Variants in TBC1D31 observed in about 807,000 individuals in gnomAD.
The protein encoded by TBC1D31 is TBC1 domain family member 31, also known as WD repeat domain 67.
A neutral mutation model predicts 132.9 loss-of-function variants in TBC1D31; 99 were observed. The observed-to-expected ratio is 0.74, with a 90% confidence interval of 0.63 to 0.88. The LOEUF is 0.88. Ranked by LOEUF, TBC1D31 falls within the 40% of genes least tolerant of loss-of-function variation. The probability of loss-of-function intolerance (pLI) is 0.00; values close to 1 mark genes in which losing one functional copy is unlikely to be tolerated. For synonymous variants in TBC1D31, 385 were observed against 419.4 expected (o/e 0.92, Z 1.00); for missense variants, 1,134 against 1,256.6 (o/e 0.90, Z 1.48).
Position 123,128,219 on chromosome 8 carries a change from A to T in TBC1D31, c.1885-62A>T. 1 of 841,302 alleles carries T rather than the reference A, an allele frequency of 1.2e-6. No individual in the cohort carries two copies. Among genetic ancestry groups the T allele is most frequent in the Non-Finnish European group, 1.9e-6 (1 of 516,372 alleles). The allele number at this position is 841,302 out of a possible 1,614,324, so 52.1% of individuals were successfully genotyped here. On this transcript the variant is annotated intron_variant, in intron 13 of 21. Coordinates refer to ENST00000287380, the MANE Select transcript of TBC1D31 (RefSeq NM_145647.4). ...TACACTTTTTTTAAATTCTTGTTTT[A>T]ATTCTACCTCATAATTGCTTTGTCA...
intron 11 of TBC1D31, chr8:123,123,400 G>A: frequency 5.5e-6 from 1 of 182,794 alleles, no homozygotes; most frequent in Non-Finnish European, 1.2e-5. Context: ...GGCCTCCTTT[G>A]GCCTTTTTCT....
chr8:123,102,742 ACT>A (rs1370545266), intron 7 of TBC1D31: 3 of 155,496 alleles, frequency 1.9e-5, no homozygotes, highest in African/African-American at 7.2e-5. Context: ...ATGAGGCAAC[ACT>A]CTGTCTTCTT....
intron 4 of TBC1D31, among the ~76,000 whole-genome samples, chr8:123,092,377 ACATAT>A (rs1488802502): frequency 6.6e-6 from 1 of 152,182 alleles, no homozygotes; most frequent in Admixed American, 6.6e-5. Context: ...GGCTGTTGAC[ACATAT>A]CATATAACAT....
At chr8:123,101,443 T>G (rs1278996204) in intron 7 of TBC1D31, among the ~76,000 whole-genome samples, 3 of 152,224 alleles carry the variant, frequency 2.0e-5, no homozygotes. Context: ...AGACGGAGTT[T>G]TGCTCTCATT....
chr8:123,082,855 A>C, intron 3 of TBC1D31, 38 bp downstream of exon 3: 1 of 1,419,226 alleles, frequency 7.0e-7, no homozygotes. Context: ...AAGCAGAGTA[A>C]AATATAAACT....
intron 17 of TBC1D31, among the ~76,000 whole-genome samples, chr8:123,139,582 A>T (rs1821431913): frequency 6.6e-6 from 1 of 152,114 alleles, no homozygotes; most frequent in South Asian, 2.1e-4. Context: ...TAGGCAGTTT[A>T]TACTTTCTAG....
In TBC1D31 at chr8:123,113,258, A is replaced by G. The variant is rs548542533; in HGVS notation, c.1436+3638A>G. ...ATTTTTCCGTATCCTAGGATTTTAGACTTTCTAAATTATGAATGCTTTTCT... is the reference window on the plus strand; with the variant it reads ...ATTTTTCCGTATCCTAGGATTTTAGGCTTTCTAAATTATGAATGCTTTTCT... On this transcript the variant is annotated intron_variant, in intron 10 of 21. Coordinates refer to ENST00000287380, the MANE Select transcript of TBC1D31 (RefSeq NM_145647.4). Among the ~76,000 whole-genome samples, 31 of 152,224 alleles carry G rather than the reference A, an allele frequency of 2.0e-4. 2 individuals carry two copies. Among genetic ancestry groups the G allele is most frequent in the Admixed American group, 1.6e-3 (25 of 15,276 alleles).
intron 10 of TBC1D31, among the ~76,000 whole-genome samples, chr8:123,119,360 C>T (rs145027235): frequency 6.6e-6 from 1 of 152,264 alleles, no homozygotes; most frequent in Non-Finnish European, 1.5e-5. Context: ...TGGCATTAAG[C>T]ACAGCATTGC....
chr8:123,130,971 G>C (rs1820563126), intron 16 of TBC1D31, among the ~76,000 whole-genome samples: 1 of 151,860 alleles, frequency 6.6e-6, no homozygotes, highest in African/African-American at 2.4e-5. Context: ...AAAATTATCT[G>C]TGGCCAGTAT....
At chr8:123,089,427 C>T (rs990012380) in intron 4 of TBC1D31, among the ~76,000 whole-genome samples, 4 of 152,178 alleles carry the variant, frequency 2.6e-5, no homozygotes, top group Non-Finnish European at 5.9e-5. Context: ...AGATAATTTG[C>T]TTAAGCTGTA....
At chr8:123,158,018 CTTTTTTTTTTT>C in the TBC1D31 span, among the ~76,000 whole-genome samples, 111 of 117,684 alleles carry the variant, frequency 9.4e-4, 2 homozygotes, top group African/African-American at 3.4e-3. Flanking sequence ...TTTTTTCTTC[CTTTTTTTTTTT>C]TTTTTTTTTG....
At chr8:123,080,750 T>A (rs1249840432) in intron 2 of TBC1D31, among the ~76,000 whole-genome samples, 1 of 152,136 alleles carries the variant, frequency 6.6e-6, no homozygotes, top group Non-Finnish European at 1.5e-5. Context: ...TTGGCCAGGA[T>A]GGTCTCGATC....
At chr8:123,109,679 A>T in intron 10 of TBC1D31, 59 bp downstream of exon 10, 1 of 1,418,154 alleles carries the variant, frequency 7.1e-7, no homozygotes. Flanking sequence ...TTGCAATGTT[A>T]TAAAATCTCC....
chr8:123,116,875 GAATA>G (rs1395833186), intron 10 of TBC1D31, among the ~76,000 whole-genome samples: 2 of 152,020 alleles, frequency 1.3e-5, no homozygotes, highest in Non-Finnish European at 2.9e-5. Context: ...ATAAATAATT[GAATA>G]AATAAAGATA....
intron 17 of TBC1D31, among the ~76,000 whole-genome samples, chr8:123,139,377 G>T (rs188945711): frequency 3.9e-4 from 59 of 152,146 alleles, no homozygotes; most frequent in African/African-American, 1.4e-3. Context: ...TTGTTTCTTT[G>T]CTTAGTGACT....
chr8:123,145,660 T>C (rs1246823605), intron 20 of TBC1D31, among the ~76,000 whole-genome samples: 5 of 149,594 alleles, frequency 3.3e-5, no homozygotes, highest in Admixed American at 6.7e-5. Flanking sequence ...CACTGAACTC[T>C]AGCCTGGGCA....
intron 2 of TBC1D31, among the ~76,000 whole-genome samples, chr8:123,080,529 C>CTTTTTTT (rs57694076): frequency 1.3e-5 from 1 of 76,320 alleles, no homozygotes; most frequent in African/African-American, 5.5e-5. Context: ...TTCTTTTATT[C>CTTTTTTT]TTTTTTTTTT....
rs188735851 is a variant in TBC1D31 at position 123,131,241 on chromosome 8, G to A, written c.2406+908G>A. ...TAGCTGGGCATGGTGGCAGGCGCTT[G>A]TAATCCCAGCTACGCAGGAGGCTGA... On this transcript the variant is annotated intron_variant, in intron 16 of 21. Coordinates refer to ENST00000287380, the MANE Select transcript of TBC1D31 (RefSeq NM_145647.4). Among the ~76,000 whole-genome samples the A allele has an allele frequency of 5.3e-3, 803 of 151,220 alleles. 8 individuals carry two copies. The highest frequency in any genetic ancestry group is 0.019 in the African/African-American group (766 of 41,254).
At chr8:123,101,031 A>G in intron 7 of TBC1D31, 24 bp downstream of exon 7, 3 of 1,532,370 alleles carry the variant, frequency 2.0e-6, no homozygotes, top group Non-Finnish European at 2.7e-6. Context: ...AGTAATCAAC[A>G]TCAGCTTTTT....
Sources: gnomAD v4.1 joint callset for allele counts (sites outside exome capture counted in the v4.1 genomes callset) on GRCh38, gnomAD v4.1.1 for gene constraint, MANE v1.5 for transcripts, NCBI Gene and HGNC (gene_info 2026-07-23, HGNC 2026-07-21) for gene names.